KLHL14: variants seen among roughly 807,000 people sequenced by gnomAD.
The protein encoded by KLHL14 is kelch like family member 14.
KLHL14 carries 22 observed loss-of-function variants against 64.3 expected under a neutral mutation model. That is an observed-to-expected ratio of 0.34 (90% confidence interval 0.24 to 0.49). The LOEUF (loss-of-function observed/expected upper bound fraction) is 0.49, where lower values mean the gene tolerates loss of function less well. Among genes scored for constraint, KLHL14 ranks in the 20% least tolerant of loss-of-function variants. The pLI is 0.99. For missense variants in KLHL14, 661 were observed against 789.0 expected, an observed-to-expected ratio of 0.84 and a Z score of 1.94; for synonymous variants, 322 against 333.4, an observed-to-expected ratio of 0.97 and a Z score of 0.37.
In KLHL14 at chr18:32,742,180, C is replaced by T. The variant is rs1320470522; in HGVS notation, c.948-131G>A. 4.7e-6 allele frequency: 5 copies of T among 1,062,684 alleles called. No homozygotes were observed. The East Asian group carries it at 1.2e-4, about 26-fold the overall frequency. The allele number at this position is 1,062,684 out of a possible 1,614,324, so 65.8% of individuals were successfully genotyped here. A position where few individuals can be genotyped will look rare whatever the true frequency, so the allele number is the denominator to read the frequency against. ...TGTTTCATTTTTTCCTGTTTCTTCCCCCATTCATGTCTCAACAATTTTTTT... is the reference window on the plus strand; with the variant it reads ...TGTTTCATTTTTTCCTGTTTCTTCCTCCATTCATGTCTCAACAATTTTTTT... On this transcript the variant is annotated intron_variant, in intron 2 of 8. Transcript: ENST00000359358.
intron 2 of KLHL14, among the ~76,000 whole-genome samples, chr18:32,762,095 T>TAA (rs535726580): frequency 6.7e-6 from 1 of 149,060 alleles, no homozygotes; most frequent in East Asian, 1.9e-4. Context: ...ACAATGGATT[T>TAA]AAAAAAAAAA....
intron 3 of KLHL14, 149 bp downstream of exon 3, chr18:32,741,779 C>T (rs1292786346): frequency 4.1e-6 from 4 of 979,828 alleles, no homozygotes; most frequent in Non-Finnish European, 5.7e-6. Context: ...GTTTTTTACT[C>T]TAAATCCCCG....
At position 32,674,608 on chromosome 18, in the gene KLHL14, G is replaced by A. The variant is rs2049801501; in HGVS notation, c.*49C>T. 1 of 768,410 alleles carries A rather than the reference G, an allele frequency of 1.3e-6. No homozygotes were observed. Among genetic ancestry groups the A allele is most frequent in the Non-Finnish European group, 2.4e-6 (1 of 410,022 alleles). 47.6% of individuals were successfully genotyped at this position (768,410 alleles called of 1,614,324 possible). ...TCCTATTATAATAGTGATGTCACCT[G>A]CCATTGCTTCCTAGAATGTGATACT... is the stretch of plus-strand genomic sequence containing the variant. On this transcript the variant is annotated 3_prime_UTR_variant, in exon 9 of 9. Transcript: ENST00000359358.
intron 2 of KLHL14, among the ~76,000 whole-genome samples, chr18:32,752,650 A>C (rs1486369300): frequency 6.6e-6 from 1 of 152,218 alleles, no homozygotes; most frequent in Non-Finnish European, 1.5e-5. Flanking sequence ...ACAACAGAAG[A>C]CTTTCATTAT....
At chr18:32,686,559 G>A (rs1037477633) in intron 5 of KLHL14, among the ~76,000 whole-genome samples, 1 of 151,908 alleles carries the variant, frequency 6.6e-6, no homozygotes, top group African/African-American at 2.4e-5. Flanking sequence ...GAGATGACAC[G>A]TTGCAAGACT....
chr18:32,747,253 C>G (rs750083065), intron 2 of KLHL14, among the ~76,000 whole-genome samples: 1 of 152,044 alleles, frequency 6.6e-6, no homozygotes, highest in Non-Finnish European at 1.5e-5. Context: ...TTTCCATGGA[C>G]CAGAGGGATG....
intron 2 of KLHL14, among the ~76,000 whole-genome samples, chr18:32,765,664 TAGAA>T (rs1313469805): frequency 3.3e-5 from 5 of 152,164 alleles, no homozygotes; most frequent in Non-Finnish European, 7.4e-5. Context: ...ACTCAGTTCT[TAGAA>T]AGAGAACCAA....
chr18:32,753,427 G>A (rs1329145192), intron 2 of KLHL14, among the ~76,000 whole-genome samples: 4 of 126,996 alleles, frequency 3.1e-5, no homozygotes, highest in South Asian at 5.5e-4. Context: ...TTCTCATCCC[G>A]CCCCTGTGGC....
At chr18:32,701,175 C>G (rs1457498873) in intron 3 of KLHL14, among the ~76,000 whole-genome samples, 1 of 152,138 alleles carries the variant, frequency 6.6e-6, no homozygotes, top group Non-Finnish European at 1.5e-5. Context: ...ATTCATTCAA[C>G]AAACATTCAC....
intron 4 of KLHL14, among the ~76,000 whole-genome samples, chr18:32,688,876 C>G (rs1227309518): frequency 2.6e-5 from 4 of 152,132 alleles, no homozygotes; most frequent in Non-Finnish European, 5.9e-5. Context: ...CTACAATCAT[C>G]AAGGTAAGAG....
intron 4 of KLHL14, among the ~76,000 whole-genome samples, chr18:32,690,240 T>G (rs920618968): frequency 6.6e-6 from 1 of 152,162 alleles, no homozygotes; most frequent in Non-Finnish European, 1.5e-5. Context: ...AGTGGATTAC[T>G]GCCACATAAA....
intron 2 of KLHL14, chr18:32,745,590 A>G (rs2144534188): frequency 6.6e-6 from 1 of 152,354 alleles, no homozygotes; most frequent in South Asian, 2.1e-4. Context: ...ATTACTTTAC[A>G]TTTCTTATTG....
In KLHL14 at chr18:32,680,160, A is replaced by T. The variant is rs140729678; in HGVS notation, c.1588+9T>A. 578 of 1,612,404 alleles carry T rather than the reference A, an allele frequency of 3.6e-4. 7 individuals carry two copies. Among genetic ancestry groups the T allele is most frequent in the Non-Finnish European group, 3.8e-5 (45 of 1,178,958 alleles). On this transcript the variant is annotated intron_variant, in intron 7 of 8. Coordinates refer to ENST00000359358, the MANE Select transcript of KLHL14 (RefSeq NM_020805.3). The surrounding 1 kb of genome is among the most constrained non-coding windows in gnomAD (Gnocchi z 4.8). ...TTGTGACTAAAAAACAAAACAACAA[A>T]AAAAAGACCTTTCAAATGATTTCCT...
chr18:32,723,136 C>T (rs996703712), intron 3 of KLHL14, among the ~76,000 whole-genome samples: 3 of 152,084 alleles, frequency 2.0e-5, no homozygotes, highest in African/African-American at 7.2e-5. Flanking sequence ...GTCAGTTAGA[C>T]ACAATAGAAA....
At chr18:32,741,397 C>T (rs1253277805) in intron 3 of KLHL14, among the ~76,000 whole-genome samples, 2 of 152,164 alleles carry the variant, frequency 1.3e-5, no homozygotes, top group African/African-American at 2.4e-5. Context: ...TTTCATGCAG[C>T]TGGAATAGGC....
chr18:32,754,000 A>T (rs1326843963), intron 2 of KLHL14, among the ~76,000 whole-genome samples: 1 of 152,232 alleles, frequency 6.6e-6, no homozygotes, highest in Non-Finnish European at 1.5e-5. Context: ...TCCTGCCTGC[A>T]AGTGGGATGC....
intron 3 of KLHL14, among the ~76,000 whole-genome samples, chr18:32,706,138 A>T (rs1442831333): frequency 2.0e-5 from 3 of 152,218 alleles, no homozygotes; most frequent in Non-Finnish European, 4.4e-5. Flanking sequence ...AATCTGTCAT[A>T]CAGTCTTCCA....
chr18:32,769,735 G>A lies in KLHL14; in HGVS notation c.857C>T (p.Thr286Ile). 1.3e-6 allele frequency: 2 copies of A among 1,599,344 alleles called. No homozygotes were observed. Among genetic ancestry groups the A allele is most frequent in the Non-Finnish European group, 1.7e-6 (2 of 1,171,036 alleles). The change falls in exon 2 of 9, where the codon ACC becomes ATC. Residue 286 changes from threonine (T) to isoleucine (I), a missense_variant. By Grantham distance (89) the Thr-to-Ile change is moderately conservative (BLOSUM62 -1). Coordinates refer to ENST00000359358, the MANE Select transcript of KLHL14 (RefSeq NM_020805.3). ...ERVQSVDFMR[T>I]DPVCQKLLLD... ...CAGCAGCTTCTGGCAGACCGGGTCG[G>A]TTCGCATGAAATCCACTGACTGGAC...
chr18:32,701,998 A>G (rs370221109), intron 3 of KLHL14, among the ~76,000 whole-genome samples: 2 of 152,338 alleles, frequency 1.3e-5, no homozygotes, highest in South Asian at 2.1e-4. Context: ...ATGTCTAGTT[A>G]AAATCTAAAT....
Sources: gnomAD v4.1 joint callset for allele counts (sites outside exome capture counted in the v4.1 genomes callset) on GRCh38, gnomAD v4.1.1 for gene constraint, Gnocchi (gnomAD v3.1) non-coding constraint, MANE v1.5 for transcripts, NCBI Gene and HGNC (gene_info 2026-07-23, HGNC 2026-07-21) for gene names.